TSPAN18: variants seen among roughly 807,000 people sequenced by gnomAD.
The protein encoded by TSPAN18 is tetraspanin 18.
Under a neutral mutation model 27.3 loss-of-function variants are expected in TSPAN18, and 14 were observed. That is an observed-to-expected ratio of 0.51 (90% CI 0.34 to 0.80). The LOEUF is 0.80. Ranked by LOEUF, TSPAN18 falls within the 30% of genes least tolerant of loss-of-function variation. TSPAN18 has a pLI of 0.01. For synonymous variants in TSPAN18, 143 were observed against 136.5 expected, an observed-to-expected ratio of 1.05 and a Z score of -0.33; for missense variants, 268 against 323.9, an observed-to-expected ratio of 0.83 and a Z score of 1.32.
rs140530161 is a variant in TSPAN18 at position 44,791,992 on chromosome 11, C to T, written c.-153+27480C>T. 3.8e-3 allele frequency among the ~76,000 whole-genome samples: 573 copies of T among 152,248 alleles called. 2 individuals are homozygous for T. Among genetic ancestry groups the T allele is most frequent in the African/African-American group, 0.013 (530 of 41,532 alleles). On this transcript the variant is annotated intron_variant, in intron 2 of 9. Transcript: ENST00000520358. Reference sequence around the variant, plus strand: ...AGACAATGTCCTGGATAGGGGGGTGCAGCAGTGGACAGAAGCCCCTCCTTT... The same window carrying T: ...AGACAATGTCCTGGATAGGGGGGTGTAGCAGTGGACAGAAGCCCCTCCTTT...
At chr11:44,774,600 G>A (rs1026468795) in intron 2 of TSPAN18, among the ~76,000 whole-genome samples, 2 of 152,160 alleles carry the variant, frequency 1.3e-5, no homozygotes, top group Admixed American at 6.5e-5. Flanking sequence ...CCCAGCTCTT[G>A]GCTTTTGCAT....
chr11:44,809,779 TAAA>T (rs2135093836), intron 2 of TSPAN18, among the ~76,000 whole-genome samples: 1 of 152,334 alleles, frequency 6.6e-6, no homozygotes, highest in South Asian at 2.1e-4. Flanking sequence ...TCCACTTCTG[TAAA>T]ATGGGTTTGT....
chr11:44,843,007 T>C (rs1857405566), intron 2 of TSPAN18, among the ~76,000 whole-genome samples: 1 of 152,120 alleles, frequency 6.6e-6, no homozygotes. Context: ...TTGAACTTTA[T>C]ATAAATGGAA....
rs1860490626 is a variant in TSPAN18, at chr11:44,929,503, G to C, written c.*325G>C. ...GCCCTCTTTGGTCCAGCCAGACCCTGGGCCCTCTCTCCTCACTGCACCAGG... is the reference window on the plus strand; with the variant it reads ...GCCCTCTTTGGTCCAGCCAGACCCTCGGCCCTCTCTCCTCACTGCACCAGG... On this transcript the variant is annotated 3_prime_UTR_variant, in exon 10 of 10. Coordinates refer to ENST00000520358, the MANE Select transcript of TSPAN18 (RefSeq NM_130783.5). The C allele has an allele frequency of 2.9e-6, 1 of 347,568 alleles. No homozygotes were observed. The highest frequency in any genetic ancestry group is 2.1e-5 in the African/African-American group (1 of 47,754). 21.5% of individuals were successfully genotyped at this position (347,568 alleles called of 1,614,324 possible).
chr11:44,851,835 C>A (rs942710492), intron 2 of TSPAN18, among the ~76,000 whole-genome samples: 7 of 152,224 alleles, frequency 4.6e-5, no homozygotes, highest in African/African-American at 1.7e-4. Flanking sequence ...CCATCTTCAA[C>A]AGCGCTGTTA....
At chr11:44,804,780 G>C (rs1856556480) in intron 2 of TSPAN18, among the ~76,000 whole-genome samples, 1 of 150,838 alleles carries the variant, frequency 6.6e-6, no homozygotes, top group Non-Finnish European at 1.5e-5. Context: ...AACAACAACT[G>C]GATTGCATTT....
At chr11:44,774,838 A>G (rs192091421) in intron 2 of TSPAN18, among the ~76,000 whole-genome samples, 3 of 152,288 alleles carry the variant, frequency 2.0e-5, no homozygotes, top group African/African-American at 7.2e-5. Context: ...TAAGACAATA[A>G]AACAATTCAG....
At chr11:44,904,312 CAA>C (rs1859376546) in intron 3 of TSPAN18, among the ~76,000 whole-genome samples, 1 of 152,208 alleles carries the variant, frequency 6.6e-6, no homozygotes, top group Non-Finnish European at 1.5e-5. Context: ...TTCCAAGTTG[CAA>C]TAGGGACCAG....
intron 3 of TSPAN18, among the ~76,000 whole-genome samples, chr11:44,884,749 G>C (rs1372619548): frequency 6.6e-6 from 1 of 152,212 alleles, no homozygotes; most frequent in Non-Finnish European, 1.5e-5. Context: ...CTCCAGATGA[G>C]GCTGCTGAGG....
At chr11:44,862,131 T>A (rs1410968055) in intron 3 of TSPAN18, among the ~76,000 whole-genome samples, 1 of 152,048 alleles carries the variant, frequency 6.6e-6, no homozygotes, top group Non-Finnish European at 1.5e-5. Flanking sequence ...CTGAAGCCCC[T>A]TAGAGGGACA....
At chr11:44,740,371 T>C (rs1854904876) in intron 1 of TSPAN18, among the ~76,000 whole-genome samples, 1 of 152,194 alleles carries the variant, frequency 6.6e-6, no homozygotes, top group Non-Finnish European at 1.5e-5. Context: ...TTTATTTTCC[T>C]TTCCAGAGCC....
chr11:44,766,094 C>G (rs1186285828), intron 2 of TSPAN18, among the ~76,000 whole-genome samples: 3 of 152,234 alleles, frequency 2.0e-5, no homozygotes, highest in Non-Finnish European at 2.9e-5. Flanking sequence ...TCTATTTTGG[C>G]TGCCTCTGTG....
chr11:44,868,614 C>T (rs1490890591), intron 3 of TSPAN18, among the ~76,000 whole-genome samples: 5 of 152,184 alleles, frequency 3.3e-5, no homozygotes, highest in African/African-American at 1.2e-4. Flanking sequence ...AATGGGGACT[C>T]GCCTCTCCCA....
chr11:44,897,670 G>T (rs913146864), intron 3 of TSPAN18: 1 of 914,486 alleles, frequency 1.1e-6, no homozygotes. Context: ...CTGGAGGGCG[G>T]GTTTTCATAA....
At chr11:44,855,854 G>A (rs547461095) in intron 2 of TSPAN18, among the ~76,000 whole-genome samples, 6 of 149,754 alleles carry the variant, frequency 4.0e-5, no homozygotes, top group Admixed American at 2.7e-4. Context: ...CCATTGCCTG[G>A]GCTTCTTGCT....
At position 44,792,085 on chromosome 11, in the gene TSPAN18, A is replaced by G. The variant is rs1856238722; in HGVS notation, c.-153+27573A>G. On this transcript the variant is annotated intron_variant, in intron 2 of 9. Coordinates refer to ENST00000520358, the MANE Select transcript of TSPAN18 (RefSeq NM_130783.5). ...GTATTCAATGTCAATTTATTTATAG[A>G]CAGTATTTGTTTGTATGTTATATAA... Among the ~76,000 whole-genome samples, 3 of 152,240 alleles carry G rather than the reference A, an allele frequency of 2.0e-5. No individual in the cohort carries two copies. The South Asian group carries it at 6.2e-4, about 32-fold the overall frequency.
intron 2 of TSPAN18, among the ~76,000 whole-genome samples, chr11:44,824,223 C>T (rs2135127769): frequency 6.6e-6 from 1 of 152,302 alleles, no homozygotes; most frequent in East Asian, 1.9e-4. Flanking sequence ...GGATTGGCAC[C>T]CTGCCCTCAC....
chr11:44,815,736 G>C (rs1856806740), intron 2 of TSPAN18, among the ~76,000 whole-genome samples: 1 of 152,160 alleles, frequency 6.6e-6, no homozygotes. Context: ...GAGTAGGGAG[G>C]GTGCGGGAGA....
At chr11:44,894,057 C>T (rs1858948227) in intron 3 of TSPAN18, among the ~76,000 whole-genome samples, 1 of 152,180 alleles carries the variant, frequency 6.6e-6, no homozygotes, top group Non-Finnish European at 1.5e-5. Flanking sequence ...ATGCCTTGGA[C>T]CAAGCCCAGG....
Sources: gnomAD v4.1 joint callset for allele counts (sites outside exome capture counted in the v4.1 genomes callset) on GRCh38, gnomAD v4.1.1 for gene constraint, MANE v1.5 for transcripts, NCBI Gene and HGNC (gene_info 2026-07-23, HGNC 2026-07-21) for gene names.